Variants in WEE2 observed in about 807,000 individuals in gnomAD.
WEE2 encodes WEE2 oocyte meiosis inhibiting kinase, also known as wee1-like protein kinase 2.
In WEE2, 50 loss-of-function variants were observed where a neutral mutation model predicts 60.1. The ratio of observed to expected loss-of-function variants is 0.83; its 90% CI spans 0.66 to 1.05. WEE2 has a LOEUF of 1.05. Ranked by LOEUF, WEE2 falls within the 50% of genes least tolerant of loss-of-function variation. The probability of loss-of-function intolerance (pLI) is 0.00; values close to 1 mark genes in which losing one functional copy is unlikely to be tolerated. For synonymous variants in WEE2, 240 were observed against 241.0 expected (o/e 1.00, Z 0.04); for missense variants, 631 against 684.3 (o/e 0.92, Z 0.87).
Position 141,730,824 on chromosome 7 carries a change from T to G in WEE2, c.*504T>G, listed in dbSNP as rs1799127722. 6.6e-6 allele frequency: 1 copy of G among 152,602 alleles called. No individual in the cohort carries two copies. Among genetic ancestry groups the G allele is most frequent in the Non-Finnish European group, 1.5e-5 (1 of 68,298 alleles). The allele number at this position is 152,602 out of a possible 1,614,324, so 9.5% of individuals were successfully genotyped here. A position where few individuals can be genotyped will look rare whatever the true frequency, so the allele number is the denominator to read the frequency against. ...ATTTTTGTGAGAATTTGGCTTTGTTTCCTGTTTTTTAAAATCATATTTTAT... is the reference window on the plus strand; with the variant it reads ...ATTTTTGTGAGAATTTGGCTTTGTTGCCTGTTTTTTAAAATCATATTTTAT... On this transcript the variant is annotated 3_prime_UTR_variant, in exon 12 of 12. Coordinates refer to ENST00000397541, the MANE Select transcript of WEE2 (RefSeq NM_001105558.1).
At chr7:141,710,190 C>G (rs1202447491) in intron 1 of WEE2, among the ~76,000 whole-genome samples, 1 of 152,236 alleles carries the variant, frequency 6.6e-6, no homozygotes, top group Non-Finnish European at 1.5e-5. Flanking sequence ...AATACAGTCT[C>G]TGCCCTCAAA....
At position 141,729,618 on chromosome 7, in the gene WEE2, A is replaced by C; in HGVS notation, c.1623A>C (p.Ser541=). Residue 541 remains serine (S), a synonymous_variant, in exon 11 of 12, where the codon TCA becomes TCC. Coordinates refer to ENST00000397541, the MANE Select transcript of WEE2 (RefSeq NM_001105558.1). ...DTGVSGTHTG[S]RSTKRLVGGK... ...GGGTCTCTGGGACCCACACAGGATCAAGAAGCACAAAACGCCTGGTGGGAG... is the reference window on the plus strand; with the variant it reads ...GGGTCTCTGGGACCCACACAGGATCCAGAAGCACAAAACGCCTGGTGGGAG... 1 of 1,614,162 alleles carries C rather than the reference A, an allele frequency of 6.2e-7. No homozygotes were observed. Among genetic ancestry groups the C allele is most frequent in the South Asian group, 1.1e-5 (1 of 91,056 alleles).
rs542208188 is a variant in WEE2, at chr7:141,723,066, A to G, written c.881-68A>G. 2,754 of 1,585,398 alleles carry G rather than the reference A, an allele frequency of 1.7e-3. 10 individuals carry two copies. Among genetic ancestry groups the G allele is most frequent in the Middle Eastern group, 7.1e-3 (42 of 5,904 alleles). ...AATACCCTGAAGATATAGGAGGCCA[A>G]TTGTATTTACTATGCTTTCATCTAT... is the stretch of plus-strand genomic sequence containing the variant. On this transcript the variant is annotated intron_variant, in intron 5 of 11. Coordinates refer to ENST00000397541, the MANE Select transcript of WEE2 (RefSeq NM_001105558.1).
At position 141,710,246 on chromosome 7, in the gene WEE2, TATGTG is replaced by T. The variant is rs371314315; in HGVS notation, c.342+1149_342+1153del. Reference sequence around the variant, plus strand: ...AGAGAGTAGTTATGCCAAAAGGCACTATGTGATAAGTGTGGTCAGAACCCGCTGGA... The same window carrying T: ...AGAGAGTAGTTATGCCAAAAGGCACTATAAGTGTGGTCAGAACCCGCTGGA... On this transcript the variant is annotated intron_variant, in intron 1 of 11. Transcript: ENST00000397541. Among the ~76,000 whole-genome samples, 366 of 152,290 alleles carry T rather than the reference TATGTG, an allele frequency of 2.4e-3. 4 individuals are homozygous for T. The highest frequency in any genetic ancestry group is 8.0e-3 in the African/African-American group (334 of 41,554).
At chr7:141,725,266 C>A in intron 9 of WEE2, 70 bp downstream of exon 9, 1 of 1,515,008 alleles carries the variant, frequency 6.6e-7, no homozygotes, top group Non-Finnish European at 8.9e-7. Flanking sequence ...ACTAGTTGGG[C>A]AAAGAAAAAT....
chr7:141,716,936 G>A (rs1798809734), intron 3 of WEE2, among the ~76,000 whole-genome samples: 1 of 152,060 alleles, frequency 6.6e-6, no homozygotes, highest in Non-Finnish European at 1.5e-5. Flanking sequence ...AAATAATACT[G>A]CAAACATTAT....
Position 141,730,938 on chromosome 7 carries a change from G to A in WEE2, c.*618G>A, listed in dbSNP as rs904338290. 2.6e-5 allele frequency: 4 copies of A among 152,096 alleles called. No individual in the cohort carries two copies. The highest frequency in any genetic ancestry group is 5.9e-5 in the Non-Finnish European group (4 of 68,020). 9.4% of individuals were successfully genotyped at this position (152,096 alleles called of 1,614,324 possible). ...TTATCTTGTCCAAAGCCTAATTACA[G>A]GTAAAATATCCTTTGTAAAATGTAA... On this transcript the variant is annotated 3_prime_UTR_variant, in exon 12 of 12. Coordinates refer to ENST00000397541, the MANE Select transcript of WEE2 (RefSeq NM_001105558.1).
At chr7:141,712,437 T>G (rs1563012110) in intron 1 of WEE2, among the ~76,000 whole-genome samples, 1 of 152,230 alleles carries the variant, frequency 6.6e-6, no homozygotes, top group East Asian at 1.9e-4. Context: ...AGAGCACATT[T>G]ATACTCTCAA....
rs6967301 is a variant in WEE2 at position 141,720,968 on chromosome 7, A to G, written c.792A>G (p.Ala264=). The G allele has an allele frequency of 0.52, 839,272 of 1,613,268 alleles. 221,967 individuals carry two copies. Among genetic ancestry groups the G allele is most frequent in the African/African-American group, 0.75 (56,258 of 74,968 alleles). Residue 264 remains alanine, a synonymous_variant, in exon 5 of 12, where the codon GCA becomes GCG. Transcript: ENST00000397541. ...CTTTGCATGAAGTTTATGCTCACGCAGTGCTTGGGCATCACCCCCATGTGG... is the reference window on the plus strand; with the variant it reads ...CTTTGCATGAAGTTTATGCTCACGCGGTGCTTGGGCATCACCCCCATGTGG... The part of the protein sequence containing the change: ...NSALHEVYAH[A]VLGHHPHVVR...
chr7:141,721,338 T>G (rs982518353), intron 5 of WEE2, among the ~76,000 whole-genome samples: 1 of 152,214 alleles, frequency 6.6e-6, no homozygotes, highest in Non-Finnish European at 1.5e-5. Context: ...GAGTTAGATG[T>G]GCTCCCTCCC....
intron 9 of WEE2, 198 bp from the exon 10 acceptor site, chr7:141,727,106 T>G (rs1799031132): frequency 1.9e-6 from 1 of 529,420 alleles, no homozygotes; most frequent in Non-Finnish European, 3.3e-6. Context: ...ATCAAAGGTG[T>G]GGACAACTGG....
At chr7:141,718,129 C>T (rs1798840584) in intron 3 of WEE2, among the ~76,000 whole-genome samples, 1 of 151,830 alleles carries the variant, frequency 6.6e-6, no homozygotes, top group South Asian at 2.1e-4. Context: ...ATGAAAGTGA[C>T]CAGAATTAGA....
In WEE2 at chr7:141,727,292, C is replaced by G; in HGVS notation, c.1393-12C>G. On this transcript the variant is annotated splice_polypyrimidine_tract_variant and intron_variant, in intron 9 of 11. Coordinates refer to ENST00000397541, the MANE Select transcript of WEE2 (RefSeq NM_001105558.1). ...AGCTTCTGTTTCTTTCCTCTTGGTC[C>G]TATATCATCAGAACATGATCCAACC... 6.2e-7 allele frequency: 1 copy of G among 1,611,156 alleles called. No individual in the cohort carries two copies.
chr7:141,720,141 C>CT (rs571238574), intron 4 of WEE2, among the ~76,000 whole-genome samples: 2,835 of 64,056 alleles, frequency 0.044, 377 homozygotes, highest in Non-Finnish European at 0.058. Flanking sequence ...TAGAATTCCT[C>CT]TTTTTTTTTT....
intron 2 of WEE2, 101 bp downstream of exon 2, chr7:141,714,506 G>A (rs1241093414): frequency 1.1e-5 from 10 of 912,362 alleles, no homozygotes; most frequent in Non-Finnish European, 1.7e-5. Flanking sequence ...AACTCTATTT[G>A]AATGAAATGT....
At position 141,721,049 on chromosome 7, in the gene WEE2, C is replaced by A. The variant is rs759804094; in HGVS notation, c.873C>A (p.Tyr291Ter). ...ACCACATGATCATTCAGAATGAATA[C>A]TGCAATGGTAAGTAGTATATAGATG... is the stretch of plus-strand genomic sequence containing the variant. ...EDDHMIIQNE[Y>*]CNGGSLQAAI... is the part of the protein sequence containing the mutation. The change falls in exon 5 of 12, where the codon TAC (tyrosine) becomes TAA (stop). Residue 291 changes from tyrosine (Y) to a stop codon, truncating the protein, a stop_gained. Coordinates refer to ENST00000397541, the MANE Select transcript of WEE2 (RefSeq NM_001105558.1). LOFTEE classifies it high-confidence loss of function. 1.2e-6 allele frequency: 2 copies of A among 1,614,042 alleles called. No homozygotes were observed. The highest frequency in any genetic ancestry group is 1.7e-5 in the Admixed American group (1 of 60,004).
chr7:141,729,944 C>T (rs1799106205), intron 11 of WEE2, among the ~76,000 whole-genome samples: 1 of 146,330 alleles, frequency 6.8e-6, no homozygotes, highest in Non-Finnish European at 1.5e-5. Flanking sequence ...GCTGAGATCA[C>T]ACCACTGCAC....
chr7:141,721,716 G>A (rs1042101761), intron 5 of WEE2, among the ~76,000 whole-genome samples: 6 of 151,774 alleles, frequency 4.0e-5, no homozygotes, highest in East Asian at 1.9e-4. Flanking sequence ...CACCTGCCTC[G>A]GCCTCCCAAA....
At chr7:141,710,981 C>T (rs371972463) in intron 1 of WEE2, among the ~76,000 whole-genome samples, 1 of 152,032 alleles carries the variant, frequency 6.6e-6, no homozygotes, top group African/African-American at 2.4e-5. Flanking sequence ...TTCAGAATAG[C>T]CCTGTTGAAC....
Sources: allele counts gnomAD v4.1 joint callset (sites outside exome capture counted in the v4.1 genomes callset), GRCh38; gene constraint gnomAD v4.1.1; transcripts MANE v1.5; gene names NCBI Gene and HGNC (gene_info 2026-07-23, HGNC 2026-07-21).